NINL: variants seen among roughly 807,000 people sequenced by gnomAD.
NINL encodes the protein ninein-like protein.
A neutral mutation model predicts 160.3 loss-of-function variants in NINL; 153 were observed. The ratio of observed to expected loss-of-function variants is 0.95; its 90% CI spans 0.84 to 1.09. The LOEUF is 1.09. Among genes scored for constraint, NINL ranks in the 50% least tolerant of loss-of-function variants. The probability of loss-of-function intolerance (pLI) is 0.00; values close to 1 mark genes in which losing one functional copy is unlikely to be tolerated. For synonymous variants in NINL, 800 were observed against 734.8 expected, an observed-to-expected ratio of 1.09 and a Z score of -1.43; for missense variants, 1,829 against 1,764.0, an observed-to-expected ratio of 1.04 and a Z score of -0.66.
chr20:25,583,315 T>C (rs1010569745), intron 1 of NINL, among the ~76,000 whole-genome samples: 1 of 151,704 alleles, frequency 6.6e-6, no homozygotes, highest in African/African-American at 2.4e-5. Flanking sequence ...CCAAAGGAAA[T>C]GAACAGACAC....
chr20:25,483,335 CA>C (rs11477331), intron 13 of NINL, among the ~76,000 whole-genome samples: 65,690 of 140,560 alleles, frequency 0.47, 14,996 homozygotes, highest in East Asian at 0.92. Context: ...TCTGTCTCAA[CA>C]AAAAAAAAAA....
Position 25,526,394 on chromosome 20 carries a change from A to C in NINL, c.180+14T>G. The C allele has an allele frequency of 6.3e-7, 1 of 1,598,882 alleles. No homozygotes were observed. Among genetic ancestry groups the C allele is most frequent in the Non-Finnish European group, 8.6e-7 (1 of 1,169,184 alleles). On this transcript the variant is annotated intron_variant, in intron 2 of 23. Coordinates refer to ENST00000278886, the MANE Select transcript of NINL (RefSeq NM_025176.6). ...CCCGTGCTTTCCTTTATGACAATGA[A>C]GTCCAACACTCACCCTGGCGAAATG...
At chr20:25,580,640 G>C (rs566254232) in intron 1 of NINL, among the ~76,000 whole-genome samples, 1 of 152,230 alleles carries the variant, frequency 6.6e-6, no homozygotes, top group East Asian at 1.9e-4. Flanking sequence ...CTTGAACCTA[G>C]GTCAAAAAAG....
intron 1 of NINL, among the ~76,000 whole-genome samples, chr20:25,577,788 T>C (rs6076365): frequency 0.97 from 147,427 of 151,952 alleles, 71,673 homozygotes; most frequent in Non-Finnish European, 1. Context: ...ACTACTGTCC[T>C]AGTCCCAGGA....
At chr20:25,576,658 C>A (rs58516525) in intron 1 of NINL, among the ~76,000 whole-genome samples, 4,878 of 151,980 alleles carry the variant, frequency 0.032, 240 homozygotes, top group African/African-American at 0.11. Flanking sequence ...GATGGGGTTT[C>A]AGTACATTGC....
chr20:25,563,168 A>C (rs1236171536), intron 1 of NINL, among the ~76,000 whole-genome samples: 1 of 152,196 alleles, frequency 6.6e-6, no homozygotes, highest in African/African-American at 2.4e-5. Context: ...TCCATCTCAA[A>C]ATGACTAAGA....
At chr20:25,506,423 ACAGG>A (rs2063963050) in intron 5 of NINL, among the ~76,000 whole-genome samples, 1 of 152,240 alleles carries the variant, frequency 6.6e-6, no homozygotes, top group African/African-American at 2.4e-5. Context: ...GCAGCCTGCC[ACAGG>A]CTTCTTCTCT....
chr20:25,571,948 G>A (rs1460190236), intron 1 of NINL, among the ~76,000 whole-genome samples: 9 of 149,828 alleles, frequency 6.0e-5, no homozygotes, highest in African/African-American at 2.2e-4. Context: ...AACACATCAC[G>A]GTATATATTT....
chr20:25,571,106 G>A (rs1385455426), intron 1 of NINL, among the ~76,000 whole-genome samples: 1 of 152,100 alleles, frequency 6.6e-6, no homozygotes, highest in South Asian at 2.1e-4. Context: ...AGTAAGCCCC[G>A]ATGGCTGGCT....
chr20:25,487,442 C>T (rs971630443), intron 13 of NINL, among the ~76,000 whole-genome samples: 1 of 152,138 alleles, frequency 6.6e-6, no homozygotes, highest in African/African-American at 2.4e-5. Context: ...CAAGCCTATA[C>T]AGGGTTCTGT....
chr20:25,491,973 G>A (rs567186258), intron 10 of NINL, among the ~76,000 whole-genome samples: 1 of 152,362 alleles, frequency 6.6e-6, no homozygotes, highest in African/African-American at 2.4e-5. Flanking sequence ...AGAGGTGGGG[G>A]ATATTTTTTT....
intron 1 of NINL, among the ~76,000 whole-genome samples, chr20:25,537,149 T>C (rs2064571841): frequency 6.6e-6 from 1 of 152,174 alleles, no homozygotes; most frequent in Admixed American, 6.5e-5. Context: ...GTGGCGTTGA[T>C]CACGGCTCAC....
Position 25,476,157 on chromosome 20 carries a change from C to G in NINL, c.3134G>C (p.Gly1045Ala). ...WQEQLAAPEE[G>A]ETKIALEREK... ...TCTCTCCAGCGCTATTTTGGTCTCC[C>G]CCTCTTCTGGGGCAGCAAGCTGCTC... The change falls in exon 17 of 24, where the codon GGG becomes GCG. Residue 1045 changes from glycine to alanine, a missense_variant. By Grantham distance (60) the Gly-to-Ala change is moderately conservative. Coordinates refer to ENST00000278886, the MANE Select transcript of NINL (RefSeq NM_025176.6). The G allele has an allele frequency of 6.2e-7, 1 of 1,614,216 alleles. No individual in the cohort carries two copies. The highest frequency in any genetic ancestry group is 8.5e-7 in the Non-Finnish European group (1 of 1,180,044).
chr20:25,473,560 C>T (rs1403444061), intron 17 of NINL, among the ~76,000 whole-genome samples: 1 of 150,178 alleles, frequency 6.7e-6, no homozygotes, highest in African/African-American at 2.4e-5. Context: ...GTGGCTCAGG[C>T]CTTATGTAAT....
At chr20:25,527,311 T>G (rs2064378162) in intron 1 of NINL, among the ~76,000 whole-genome samples, 1 of 151,920 alleles carries the variant, frequency 6.6e-6, no homozygotes, top group African/African-American at 2.4e-5. Context: ...ACGCCACCAC[T>G]CCCAGCTAAT....
chr20:25,527,153 C>A (rs2064375003), intron 1 of NINL, among the ~76,000 whole-genome samples: 1 of 151,740 alleles, frequency 6.6e-6, no homozygotes, highest in Non-Finnish European at 1.5e-5. Context: ...AGCATACAAT[C>A]TGATTTTTTT....
intron 1 of NINL, among the ~76,000 whole-genome samples, chr20:25,541,221 C>T (rs1600310629): frequency 6.6e-6 from 1 of 152,334 alleles, no homozygotes; most frequent in African/African-American, 2.4e-5. Flanking sequence ...GTCTTGGACA[C>T]ATTACTTCAC....
rs574656058 is a variant in NINL at position 25,542,855 on chromosome 20, A to AC, written c.-11-16258dup. On this transcript the variant is annotated intron_variant, in intron 1 of 23. Coordinates refer to ENST00000278886, the MANE Select transcript of NINL (RefSeq NM_025176.6). Reference sequence around the variant, plus strand: ...AGACCAACCTGGTCAACATGGTGAAACCCCCCCTCTCTACTAAAAACACAA... The same window carrying AC: ...AGACCAACCTGGTCAACATGGTGAAACCCCCCCCTCTCTACTAAAAACACAA... Among the ~76,000 whole-genome samples, 1,087 of 149,854 alleles carry AC rather than the reference A, an allele frequency of 7.3e-3. 15 individuals carry two copies. Among genetic ancestry groups the AC allele is most frequent in the African/African-American group, 0.024 (1,000 of 40,904 alleles).
At chr20:25,536,289 C>G (rs577411986) in intron 1 of NINL, among the ~76,000 whole-genome samples, 1 of 152,310 alleles carries the variant, frequency 6.6e-6, no homozygotes, top group South Asian at 2.1e-4. Flanking sequence ...CTCAGCCAGG[C>G]CAGGGATGGG....
Sources: gnomAD v4.1 joint callset for allele counts (sites outside exome capture counted in the v4.1 genomes callset) on GRCh38, gnomAD v4.1.1 for gene constraint, MANE v1.5 for transcripts, NCBI Gene and HGNC (gene_info 2026-07-23, HGNC 2026-07-21) for gene names.